C2orf80: variants seen among roughly 807,000 people sequenced by gnomAD.
The protein encoded by C2orf80 is uncharacterized protein C2orf80.
A neutral mutation model predicts 30.2 loss-of-function variants in C2orf80; 28 were observed. The ratio of observed to expected loss-of-function variants is 0.93; its 90% CI spans 0.69 to 1.27. The LOEUF (loss-of-function observed/expected upper bound fraction) is 1.27. Among genes scored for constraint, C2orf80 ranks in the 50% most tolerant of loss-of-function variants. C2orf80 has a pLI of 0.00. For missense variants in C2orf80, 220 were observed against 231.0 expected (o/e 0.95, Z 0.31); for synonymous variants, 80 against 76.4 (o/e 1.05, Z -0.24).
intron 4 of C2orf80, among the ~76,000 whole-genome samples, 170 bp from the exon 5 acceptor site, chr2:208,181,475 A>G (rs1328794401): frequency 6.6e-6 from 1 of 152,206 alleles, no homozygotes; most frequent in Non-Finnish European, 1.5e-5. Context: ...CCACACTTTG[A>G]ATTTTTAATC....
At chr2:208,167,582 G>C (rs1695940024) in intron 8 of C2orf80, among the ~76,000 whole-genome samples, 1 of 151,976 alleles carries the variant, frequency 6.6e-6, no homozygotes, top group African/African-American at 2.4e-5. Context: ...GGTTTTGTTT[G>C]TTTGTTTGTT....
chr2:208,172,676 T>C (rs2105895304), intron 6 of C2orf80, among the ~76,000 whole-genome samples: 1 of 152,320 alleles, frequency 6.6e-6, no homozygotes, highest in African/African-American at 2.4e-5. Flanking sequence ...GCATTGCTGG[T>C]AGAAATAGAA....
chr2:208,175,214 G>T (rs893732641), intron 6 of C2orf80, among the ~76,000 whole-genome samples: 16 of 454 alleles, frequency 0.035, no homozygotes, highest in African/African-American at 0.056. Flanking sequence ...TGAACCCCGG[G>T]GGGGGGGGGG....
intron 6 of C2orf80, among the ~76,000 whole-genome samples, chr2:208,176,655 T>C (rs1696306628): frequency 6.7e-6 from 1 of 149,930 alleles, no homozygotes. Context: ...GCTTCACTGA[T>C]TCTAACTTAC....
At chr2:208,183,178 C>CT in intron 3 of C2orf80, 131 bp from the exon 4 acceptor site, 1 of 595,824 alleles carries the variant, frequency 1.7e-6, no homozygotes, top group Non-Finnish European at 2.9e-6. Flanking sequence ...GGATCATTAG[C>CT]TTTAATAACC....
At chr2:208,179,498 A>G (rs11674648) in intron 6 of C2orf80, among the ~76,000 whole-genome samples, 19,718 of 152,162 alleles carry the variant, frequency 0.13, 1,374 homozygotes, top group Middle Eastern at 0.19. Context: ...GGGCGTGAGG[A>G]CGTTGGTGCC....
intron 6 of C2orf80, among the ~76,000 whole-genome samples, chr2:208,174,878 C>T (rs34217912): frequency 0.15 from 22,934 of 152,186 alleles, 1,969 homozygotes; most frequent in South Asian, 0.26. Flanking sequence ...GTGCTCATTT[C>T]CACTCTCTCT....
Position 208,184,958 on chromosome 2 carries a change from T to A in C2orf80, c.116A>T (p.Asp39Val). The change falls in exon 3 of 9, where the codon GAT becomes GTT. Residue 39 changes from aspartate (D) to valine (V), a missense_variant. Coordinates refer to ENST00000341287, the MANE Select transcript of C2orf80 (RefSeq NM_001099334.3). The part of the protein sequence containing the change: ...PKGRRQLTFL[D>V]DMAHYDLAIS... ...CAGCGTGCCTTTCTTTACCATATCA[T>A]CTAGAAAGGTGAGTTGCCGTCTTCC... 6.2e-7 allele frequency: 1 copy of A among 1,613,354 alleles called. No homozygotes were observed. Among genetic ancestry groups the A allele is most frequent in the Middle Eastern group, 1.7e-4 (1 of 6,058 alleles).
Position 208,187,043 on chromosome 2 carries a change from GCTTCT to G in C2orf80, c.-62_-58del. On this transcript the variant is annotated 5_prime_UTR_variant, in exon 2 of 9. The change creates a premature stop within an existing upstream ORF in the 5' untranslated region. Transcript: ENST00000341287. ...GCAGCTAACACTACACTTAGACCCAGCTTCTCTGAGTCTAGAGGCTACAGCAGCAA... is the reference window on the plus strand; with the variant it reads ...GCAGCTAACACTACACTTAGACCCAGCTGAGTCTAGAGGCTACAGCAGCAA... 1 of 1,536,632 alleles carries G rather than the reference GCTTCT, an allele frequency of 6.5e-7. No homozygotes were observed. Among genetic ancestry groups the G allele is most frequent in the Non-Finnish European group, 9.0e-7 (1 of 1,110,226 alleles).
chr2:208,184,949 A>G lies in C2orf80; in HGVS notation c.123+2T>C. The G allele has an allele frequency of 6.2e-7, 1 of 1,612,422 alleles. No individual in the cohort carries two copies. The highest frequency in any genetic ancestry group is 1.7e-5 in the Admixed American group (1 of 60,004). On this transcript the variant is annotated splice_donor_variant, in intron 3 of 8. Coordinates refer to ENST00000341287, the MANE Select transcript of C2orf80 (RefSeq NM_001099334.3). LOFTEE classifies it high-confidence loss of function. ...GACTCGCATCAGCGTGCCTTTCTTT[A>G]CCATATCATCTAGAAAGGTGAGTTG...
rs1696830798 is a variant in C2orf80, at chr2:208,190,002, C to T, written c.-125G>A. ...TTTGTTCTTTCTCTGCTTCTGGAGG[C>T]ATGCTGAAGCATCCGCGCATCTCAG... is the stretch of plus-strand genomic sequence containing the variant. On this transcript the variant is annotated 5_prime_UTR_variant, in exon 1 of 9. It removes an upstream start codon present in the reference 5' UTR. Transcript: ENST00000341287. The T allele has an allele frequency of 1.4e-6, 1 of 702,860 alleles. No individual in the cohort carries two copies. The highest frequency in any genetic ancestry group is 1.7e-5 in the African/African-American group (1 of 57,260). The allele number at this position is 702,860 out of a possible 1,614,324, so 43.5% of individuals were successfully genotyped here.
At chr2:208,178,753 A>AT (rs1006961303) in intron 6 of C2orf80, among the ~76,000 whole-genome samples, 1 of 151,272 alleles carries the variant, frequency 6.6e-6, no homozygotes, top group African/African-American at 2.4e-5. Flanking sequence ...CATCCCTAAA[A>AT]TTTTTTTTTA....
intron 3 of C2orf80, among the ~76,000 whole-genome samples, chr2:208,183,522 G>C (rs2105911614): frequency 6.6e-6 from 1 of 152,260 alleles, no homozygotes; most frequent in East Asian, 1.9e-4. Context: ...GATTCTGTGA[G>C]TAGAATGTCA....
In C2orf80 at chr2:208,181,318, A is replaced by ATTTTCCTAATG; in HGVS notation, c.207-14_207-13insCATTAGGAAAA. 6.6e-7 allele frequency: 1 copy of ATTTTCCTAATG among 1,512,788 alleles called. No homozygotes were observed. The highest frequency in any genetic ancestry group is 9.2e-7 in the Non-Finnish European group (1 of 1,088,264). The allele number at this position is 1,512,788 out of a possible 1,614,324, so 93.7% of individuals were successfully genotyped here. A position where few individuals can be genotyped will look rare whatever the true frequency, so the allele number is the denominator to read the frequency against. On this transcript the variant is annotated splice_polypyrimidine_tract_variant and intron_variant, in intron 4 of 8. Coordinates refer to ENST00000341287, the MANE Select transcript of C2orf80 (RefSeq NM_001099334.3). The stretch of plus-strand genomic sequence containing the variant: ...GAGTGGTATTTTCCTAATGGGGAAT[A>ATTTTCCTAATG]GGAAATACAAGTGGAAGATTTATTC...
chr2:208,189,855 C>A (rs1243982481), intron 1 of C2orf80, 98 bp downstream of exon 1: 1 of 687,640 alleles, frequency 1.5e-6, no homozygotes, highest in Non-Finnish European at 2.6e-6. Context: ...ACATTCCATG[C>A]AGGTTCCCTG....
chr2:208,178,239 G>A (rs6738940), intron 6 of C2orf80, among the ~76,000 whole-genome samples: 21,410 of 152,136 alleles, frequency 0.14, 1,822 homozygotes, highest in Middle Eastern at 0.25. Flanking sequence ...TCTCTAGGAT[G>A]TGTTTTTCCA....
At chr2:208,168,058 T>C (rs1695959904) in intron 8 of C2orf80, among the ~76,000 whole-genome samples, 1 of 152,138 alleles carries the variant, frequency 6.6e-6, no homozygotes, top group African/African-American at 2.4e-5. Context: ...AGCTCAAATA[T>C]TTAAAATGAA....
At chr2:208,181,148 T>C in intron 5 of C2orf80, 70 bp downstream of exon 5, 1 of 1,054,884 alleles carries the variant, frequency 9.5e-7, no homozygotes. Context: ...AATGTAAATA[T>C]TCATTACTGT....
chr2:208,186,656 A>T (rs1696727137), intron 2 of C2orf80, among the ~76,000 whole-genome samples: 1 of 152,212 alleles, frequency 6.6e-6, no homozygotes, highest in East Asian at 1.9e-4. Flanking sequence ...TTGCCTACAC[A>T]GGCTGACTGG....
Sources: allele counts gnomAD v4.1 joint callset (sites outside exome capture counted in the v4.1 genomes callset), GRCh38; gene constraint gnomAD v4.1.1; transcripts MANE v1.5; gene names NCBI Gene and HGNC (gene_info 2026-07-23, HGNC 2026-07-21).